Variants in CDH26 observed in about 807,000 individuals in gnomAD.
CDH26 encodes the protein cadherin 26.
In CDH26, 83 loss-of-function variants were observed where a neutral mutation model predicts 90.3. The ratio of observed to expected loss-of-function variants is 0.92; its 90% CI spans 0.77 to 1.10. The LOEUF (loss-of-function observed/expected upper bound fraction) is 1.10, where lower values mean the gene tolerates loss of function less well. Ranked by LOEUF, CDH26 falls within the 50% of genes least tolerant of loss-of-function variation. The pLI, the probability that CDH26 is intolerant of heterozygous loss-of-function variation, is 0.00. For missense variants in CDH26, 1,013 were observed against 1,037.6 expected (o/e 0.98, Z 0.33); for synonymous variants, 397 against 396.3 (o/e 1.00, Z -0.02).
At chr20:59,995,296 C>G (rs2061578926) in intron 11 of CDH26, among the ~76,000 whole-genome samples, 2 of 152,168 alleles carry the variant, frequency 1.3e-5, no homozygotes, top group South Asian at 4.1e-4. Context: ...CTTCTGGTCA[C>G]ATAGTATCAG....
intron 16 of CDH26, among the ~76,000 whole-genome samples, chr20:60,003,951 A>T (rs2061708965): frequency 6.6e-6 from 1 of 152,170 alleles, no homozygotes; most frequent in Admixed American, 6.5e-5. Flanking sequence ...CTGGAAACTG[A>T]CACGGCGTCT....
intron 4 of CDH26, among the ~76,000 whole-genome samples, chr20:59,976,683 A>T (rs562813728): frequency 2.0e-5 from 3 of 152,300 alleles, no homozygotes; most frequent in African/African-American, 7.2e-5. Flanking sequence ...GGACTAGCTC[A>T]GTGGTAGAAG....
intron 4 of CDH26, among the ~76,000 whole-genome samples, chr20:59,975,810 A>G (rs932890246): frequency 6.6e-6 from 1 of 152,236 alleles, no homozygotes; most frequent in Non-Finnish European, 1.5e-5. Context: ...TTTACTCTTG[A>G]GCATCCTGAT....
chr20:59,972,181 T>G (rs2061271656), intron 4 of CDH26, 58 bp downstream of exon 4: 1 of 1,520,080 alleles, frequency 6.6e-7, no homozygotes, highest in Non-Finnish European at 9.0e-7. Context: ...AAGACTGTTG[T>G]ATTTGGTAAG....
In CDH26 at chr20:59,968,281, A is replaced by G. The variant is rs551317218; in HGVS notation, c.70-686A>G. On this transcript the variant is annotated intron_variant, in intron 1 of 17. Coordinates refer to ENST00000348616, the MANE Select transcript of CDH26 (RefSeq NM_177980.4). Reference sequence around the variant, plus strand: ...GCCGGCTAATTTTTGTATTTTCAGTAGAGATGGGGTTTCATCATATTGGTT... The same window carrying G: ...GCCGGCTAATTTTTGTATTTTCAGTGGAGATGGGGTTTCATCATATTGGTT... Among the ~76,000 whole-genome samples, 26 of 152,008 alleles carry G rather than the reference A, an allele frequency of 1.7e-4. 1 individual carries two copies. The East Asian group carries it at 4.5e-3, about 26-fold the overall frequency.
chr20:60,015,061 C>T, downstream of CDH26, among the ~76,000 whole-genome samples: 2 of 152,356 alleles, frequency 1.3e-5, no homozygotes, highest in Non-Finnish European at 2.9e-5. Context: ...CAGCTCACTG[C>T]AACCTCTCCA....
chr20:60,029,320 C>T (rs534110793), intron 7 of CDH26, among the ~76,000 whole-genome samples: 1 of 152,270 alleles, frequency 6.6e-6, no homozygotes, highest in South Asian at 2.1e-4. Context: ...CTATAGTCAA[C>T]AACATAGCAC....
In CDH26 at chr20:59,982,455, A is replaced by T. The variant is rs182132493; in HGVS notation, c.394-468A>T. ...CTTATCCAAGTACAGAAGTAACTGC[A>T]GTGGCCATTTAAAAATATAGCATGT... On this transcript the variant is annotated intron_variant, in intron 4 of 17. Coordinates refer to ENST00000348616, the MANE Select transcript of CDH26 (RefSeq NM_177980.4). 3.4e-3 allele frequency among the ~76,000 whole-genome samples: 513 copies of T among 152,378 alleles called. 2 individuals are homozygous for T. Among genetic ancestry groups the T allele is most frequent in the Non-Finnish European group, 5.9e-3 (400 of 68,040 alleles).
chr20:59,970,272 G>A (rs1467299055), intron 3 of CDH26, 86 bp downstream of exon 3: 15 of 1,544,612 alleles, frequency 9.7e-6, no homozygotes, highest in East Asian at 2.3e-5. Context: ...GTCTTGAAAG[G>A]TTATGTGCTA....
intron 1 of CDH26, among the ~76,000 whole-genome samples, chr20:59,961,952 G>A (rs556361338): frequency 3.3e-5 from 5 of 152,156 alleles, no homozygotes; most frequent in Admixed American, 1.3e-4. Context: ...TGGTGGTGGC[G>A]TTGTTACCAA....
intron 1 of CDH26, among the ~76,000 whole-genome samples, chr20:59,964,344 G>A (rs779331820): frequency 3.3e-5 from 5 of 152,176 alleles, no homozygotes; most frequent in East Asian, 1.9e-4. Context: ...TGTGCAGGGC[G>A]GACCATGCAA....
Position 60,014,095 on chromosome 20 carries a change from G to T in CDH26, c.*1365G>T, listed in dbSNP as rs962551125. On this transcript the variant is annotated 3_prime_UTR_variant, in exon 18 of 18. Coordinates refer to ENST00000348616, the MANE Select transcript of CDH26 (RefSeq NM_177980.4). Reference sequence around the variant, plus strand: ...TTTATTCGATTGCCTCCTTATACTTGCCTCTTTCATTCTGTCCCCTGTAGA... The same window carrying T: ...TTTATTCGATTGCCTCCTTATACTTTCCTCTTTCATTCTGTCCCCTGTAGA... The T allele has an allele frequency of 6.6e-6, 1 of 151,758 alleles. No individual in the cohort carries two copies. The highest frequency in any genetic ancestry group is 1.9e-4 in the East Asian group (1 of 5,172). The allele number at this position is 151,758 out of a possible 1,614,324, so 9.4% of individuals were successfully genotyped here. A position where few individuals can be genotyped will look rare whatever the true frequency, so the allele number is the denominator to read the frequency against.
Position 60,021,867 on chromosome 20 carries a change from C to CACACACACACACACACACACAT in CDH26, c.948-9343_948-9342insTACACACACACACACACACACA, listed in dbSNP as rs1555903636. ...TTATCTGTACACACACACACACACACACACACACACACACACACACACACA... is the reference window on the plus strand; with the variant it reads ...TTATCTGTACACACACACACACACACACACACACACACACACACACATACACACACACACACACACACACACA... On this transcript the variant is annotated intron_variant, in intron 7 of 8. Transcript: ENST00000370991. Among the ~76,000 whole-genome samples the CACACACACACACACACACACAT allele has an allele frequency of 1.7e-3, 157 of 90,440 alleles. 3 individuals are homozygous for CACACACACACACACACACACAT. In the East Asian group the frequency reaches 0.024, roughly 14 times the overall value. The allele number at this position is 90,440 out of a possible 152,430, so 59.3% of individuals were successfully genotyped here.
At position 59,985,066 on chromosome 20, in the gene CDH26, G is replaced by C. The variant is rs145015790; in HGVS notation, c.774G>C (p.Thr258=). Residue 258 remains threonine (T), a synonymous_variant, in exon 7 of 18, where the codon ACG becomes ACC. Transcript: ENST00000348616. ...RDCGEPSLSS[T]TTVHVDVQEG... is the part of the protein sequence containing the mutation. Reference sequence around the variant, plus strand: ...GTGGAGAACCGTCACTGTCATCCACGACCACCGTTCACGTGGATGTGCAAG... The same window carrying C: ...GTGGAGAACCGTCACTGTCATCCACCACCACCGTTCACGTGGATGTGCAAG... The C allele has an allele frequency of 6.2e-7, 1 of 1,613,924 alleles. No homozygotes were observed. Among genetic ancestry groups the C allele is most frequent in the Non-Finnish European group, 8.5e-7 (1 of 1,179,996 alleles).
At chr20:60,019,821 T>A (rs2061937426) in intron 7 of CDH26, among the ~76,000 whole-genome samples, 3 of 152,232 alleles carry the variant, frequency 2.0e-5, no homozygotes, top group Admixed American at 1.3e-4. Context: ...GGTGAAACAG[T>A]CACCTCTTCT....
intron 1 of CDH26, among the ~76,000 whole-genome samples, chr20:59,966,697 T>A (rs1463216583): frequency 2.0e-5 from 3 of 152,236 alleles, no homozygotes; most frequent in African/African-American, 4.8e-5. Flanking sequence ...TGCCTTAGTG[T>A]TCTTATGAAA....
chr20:59,965,029 C>T (rs1209008421), intron 1 of CDH26, among the ~76,000 whole-genome samples: 1 of 152,148 alleles, frequency 6.6e-6, no homozygotes, highest in Non-Finnish European at 1.5e-5. Flanking sequence ...CCTGGGTAGG[C>T]CCTTAATTTA....
intron 5 of CDH26, among the ~76,000 whole-genome samples, chr20:59,983,539 G>T (rs1482609989): frequency 6.6e-6 from 1 of 152,070 alleles, no homozygotes. Flanking sequence ...TCCAAGAAAT[G>T]AAAAGACTGA....
rs973009990 is a variant in CDH26 at position 59,992,686 on chromosome 20, G to A, written c.1426+166G>A. Among the ~76,000 whole-genome samples the A allele has an allele frequency of 1.1e-4, 17 of 152,308 alleles. No individual in the cohort carries two copies. The highest frequency in any genetic ancestry group is 4.1e-4 in the African/African-American group (17 of 41,554). ...TATTTTTGGTAATAATTCTTAAAAT[G>A]GTAAACAAGGGACCAATACCATCGA... On this transcript the variant is annotated intron_variant, in intron 10 of 17. Coordinates refer to ENST00000348616, the MANE Select transcript of CDH26 (RefSeq NM_177980.4). This position sits in a 1 kb window ranked among gnomAD's most constrained non-coding sequence, Gnocchi z 5.0.
Sources: allele counts gnomAD v4.1 joint callset (sites outside exome capture counted in the v4.1 genomes callset), GRCh38; gene constraint gnomAD v4.1.1; non-coding constraint Gnocchi (gnomAD v3.1); transcripts MANE v1.5; gene names NCBI Gene and HGNC (gene_info 2026-07-23, HGNC 2026-07-21).